CNOT1: variants seen among roughly 807,000 people sequenced by gnomAD.
The protein encoded by CNOT1 is CCR4-associated factor 1.
CNOT1 carries 15 observed loss-of-function variants against 273.8 expected under a neutral mutation model. The ratio of observed to expected loss-of-function variants is 0.05; its 90% CI spans 0.04 to 0.08. The LOEUF is 0.08. Ranked by LOEUF, CNOT1 falls within the 10% of genes least tolerant of loss-of-function variation. The pLI, the probability that CNOT1 is intolerant of heterozygous loss-of-function variation, is 1.00. For synonymous variants in CNOT1, 1,022 were observed against 1,005.5 expected (o/e 1.02, Z -0.31); for missense variants, 1,644 against 2,912.2 (o/e 0.56, Z 10.02).
intron 16 of CNOT1, among the ~76,000 whole-genome samples, chr16:58,569,423 C>A (rs1456291425): frequency 4.6e-5 from 7 of 151,890 alleles, no homozygotes; most frequent in Admixed American, 1.3e-4. Context: ...TGACACCCAG[C>A]CACTACAGAA....
At position 58,528,656 on chromosome 16, in the gene CNOT1, T is replaced by TA. The variant is rs1478556352; in HGVS notation, c.6280-9dup. On this transcript the variant is annotated splice_polypyrimidine_tract_variant and intron_variant, in intron 43 of 48. Transcript: ENST00000317147. ...CAGCACTCTTAAAGTGCCCTATTTTTAAAAAACAAGAAAAATATTTCCACA... is the reference window on the plus strand; with the variant it reads ...CAGCACTCTTAAAGTGCCCTATTTTTAAAAAAACAAGAAAAATATTTCCACA... The TA allele has an allele frequency of 2.5e-6, 4 of 1,585,118 alleles. No individual in the cohort carries two copies. In the African/African-American group the frequency reaches 4.1e-5, roughly 16 times the overall value.
At position 58,520,290 on chromosome 16, in the gene CNOT1, A is replaced by C. The variant is rs1351853673; in HGVS notation, c.*668T>G. 6.6e-6 allele frequency: 1 copy of C among 152,180 alleles called. No individual in the cohort carries two copies. The highest frequency in any genetic ancestry group is 1.5e-5 in the Non-Finnish European group (1 of 68,112). The allele number at this position is 152,180 out of a possible 1,614,324, so 9.4% of individuals were successfully genotyped here. A position where few individuals can be genotyped will look rare whatever the true frequency, so the allele number is the denominator to read the frequency against. ...GCCTGGTCTGGTTTCCCTTTATATA[A>C]AGAGCTGACCCCCATCTCAGGCGGC... On this transcript the variant is annotated 3_prime_UTR_variant, in exon 49 of 49. Coordinates refer to ENST00000317147, the MANE Select transcript of CNOT1 (RefSeq NM_016284.5).
Position 58,547,827 on chromosome 16 carries a change from C to G in CNOT1, c.3523-145G>C. ...CCCAAAGTAGAATTACTCTGTATAT[C>G]ATTCTCAATATCATTTTGCTGTGTT... On this transcript the variant is annotated intron_variant, in intron 25 of 48. Transcript: ENST00000317147. This position sits in a 1 kb window ranked among gnomAD's most constrained non-coding sequence, Gnocchi z 4.0. 1 of 683,378 alleles carries G rather than the reference C, an allele frequency of 1.5e-6. No homozygotes were observed. Among genetic ancestry groups the G allele is most frequent in the South Asian group, 2.5e-5 (1 of 40,778 alleles). The allele number at this position is 683,378 out of a possible 1,614,324, so 42.3% of individuals were successfully genotyped here. A position where few individuals can be genotyped will look rare whatever the true frequency, so the allele number is the denominator to read the frequency against.
Position 58,583,147 on chromosome 16 carries a change from C to G in CNOT1, c.842G>C (p.Gly281Ala). ...CTGGGCAGCTGTGACCTCCCGAACA[C>G]CAAACTGCACGATTATATTGCGACA... ...EECRNIIVQF[G>A]VREVTAAQVA... Residue 281 changes from glycine to alanine, a missense_variant, in exon 9 of 49, where the codon GGT (glycine) becomes GCT (alanine). Transcript: ENST00000317147. 6.2e-7 allele frequency: 1 copy of G among 1,613,990 alleles called. No homozygotes were observed. The highest frequency in any genetic ancestry group is 8.5e-7 in the Non-Finnish European group (1 of 1,180,020).
In CNOT1 at chr16:58,555,862, T is replaced by C; in HGVS notation, c.2526A>G (p.Lys842=). ...VWPEANQHFS[K]EIDDEANSYF... is the part of the protein sequence containing the mutation. ...AGCTGTTTGCTTCATCATCTATCTCTTTACTAAAGTGCTGGTTTGCCTCTG... is the reference window on the plus strand; with the variant it reads ...AGCTGTTTGCTTCATCATCTATCTCCTTACTAAAGTGCTGGTTTGCCTCTG... Residue 842 remains lysine, a synonymous_variant, in exon 20 of 49, where the codon AAA becomes AAG. Coordinates refer to ENST00000317147, the MANE Select transcript of CNOT1 (RefSeq NM_016284.5). 1.9e-6 allele frequency: 3 copies of C among 1,613,830 alleles called. No individual in the cohort carries two copies. Among genetic ancestry groups the C allele is most frequent in the Non-Finnish European group, 2.5e-6 (3 of 1,180,022 alleles).
chr16:58,618,838 C>A (rs917134707), intron 1 of CNOT1, among the ~76,000 whole-genome samples: 2 of 152,058 alleles, frequency 1.3e-5, no homozygotes, highest in Admixed American at 1.3e-4. Flanking sequence ...TGCTACAGTG[C>A]CTTCAATAAC....
At chr16:58,530,473 A>G (rs2039743078) in intron 42 of CNOT1, 126 bp from the exon 43 acceptor site, 2 of 593,676 alleles carry the variant, frequency 3.4e-6, no homozygotes, top group Non-Finnish European at 5.5e-6. Context: ...ACTAATGTTA[A>G]GTACTTTTAC....
At position 58,591,488 on chromosome 16, in the gene CNOT1, T is replaced by A. The variant is rs1435634483; in HGVS notation, c.103-2582A>T. ...TTAACTATGCGCCGGACTCGGAGGC[T>A]CATGCCTGTAATCCCAGCAGTTTGT... On this transcript the variant is annotated intron_variant, in intron 2 of 48. Transcript: ENST00000317147. 2.0e-5 allele frequency among the ~76,000 whole-genome samples: 3 copies of A among 152,344 alleles called. No homozygotes were observed. In the East Asian group the frequency reaches 5.8e-4, roughly 29 times the overall value.
At chr16:58,546,246 A>G in intron 29 of CNOT1, 75 bp downstream of exon 29, 2 of 1,273,160 alleles carry the variant, frequency 1.6e-6, no homozygotes, top group Non-Finnish European at 2.2e-6. Flanking sequence ...ATAGTTTGCG[A>G]TATACATGGA....
intron 19 of CNOT1, among the ~76,000 whole-genome samples, chr16:58,556,368 C>T (rs574500047): frequency 8.5e-5 from 13 of 152,320 alleles, no homozygotes; most frequent in African/African-American, 2.9e-4. Flanking sequence ...TACTTTCAAC[C>T]TCGTGTCATG....
chr16:58,607,454 C>T (rs1380239466), intron 1 of CNOT1, among the ~76,000 whole-genome samples: 1 of 151,940 alleles, frequency 6.6e-6, no homozygotes, highest in Non-Finnish European at 1.5e-5. Flanking sequence ...CTAGGCTGGG[C>T]AAGGTGGCCA....
intron 2 of CNOT1, 118 bp downstream of exon 2, chr16:58,599,118 G>T (rs2042375855): frequency 3.5e-6 from 4 of 1,137,014 alleles, no homozygotes; most frequent in Non-Finnish European, 5.0e-6. Context: ...GAAATCACTT[G>T]AATTAAGGGG....
chr16:58,524,721 C>G (rs1339911815), intron 46 of CNOT1, among the ~76,000 whole-genome samples: 4 of 151,984 alleles, frequency 2.6e-5, no homozygotes, highest in African/African-American at 9.7e-5. Context: ...GTAGCTCAAG[C>G]AGAAAAGCTG....
rs768019259 is a variant in CNOT1, at chr16:58,538,826, G to C, written c.5081C>G (p.Ala1694Gly). Reference protein sequence around the residue: ...YRECHLLVLKALQDGRAYGSP... With the variant: ...YRECHLLVLKGLQDGRAYGSP... ...CCCATATGCCCGGCCATCCTGCAGA[G>C]CTTTTAGGACCAAGAGGTGGCATTC... Residue 1694 changes from alanine to glycine, a missense_variant, in exon 36 of 49, where the codon GCT (alanine) becomes GGT (glycine). By Grantham distance (60) the Ala-to-Gly change is moderately conservative (BLOSUM62 0). Coordinates refer to ENST00000317147, the MANE Select transcript of CNOT1 (RefSeq NM_016284.5). The C allele has an allele frequency of 1.9e-6, 3 of 1,612,388 alleles. No individual in the cohort carries two copies. Among genetic ancestry groups the C allele is most frequent in the Non-Finnish European group, 2.5e-6 (3 of 1,179,814 alleles).
chr16:58,557,916 G>A (rs1452080699), intron 18 of CNOT1, among the ~76,000 whole-genome samples: 1 of 152,152 alleles, frequency 6.6e-6, no homozygotes, highest in Admixed American at 6.5e-5. Flanking sequence ...CTTGAACCTG[G>A]GAGGCGGAGG....
rs763980880 is a variant in CNOT1 at position 58,542,492 on chromosome 16, C to G, written c.4511G>C (p.Cys1504Ser). 11 of 1,604,352 alleles carry G rather than the reference C, an allele frequency of 6.9e-6. No individual in the cohort carries two copies. The highest frequency in any genetic ancestry group is 9.4e-6 in the Non-Finnish European group (11 of 1,176,084). Residue 1504 changes from cysteine (C) to serine (S), a missense_variant, in exon 32 of 49, where the codon TGC becomes TCC. By Grantham distance (112) the Cys-to-Ser change is moderately radical. Around this residue, in one of 13 missense-constraint regions of CNOT1, gnomAD observed 133 missense variants for 230.4 expected, o/e 0.58. Transcript: ENST00000317147. ...TACTGCAGTCTTCTGAATAAAACAG[C>G]AAGCCAACTCACAATTGTCCTGAGC... ...QLAQDNCELA[C>S]CFIQKTAVEK... is the part of the protein sequence containing the mutation.
intron 2 of CNOT1, among the ~76,000 whole-genome samples, chr16:58,591,784 A>G (rs1192455978): frequency 6.6e-6 from 1 of 151,676 alleles, no homozygotes; most frequent in Non-Finnish European, 1.5e-5. Context: ...ACTATGGGAT[A>G]CTCCATTATT....
intron 14 of CNOT1, among the ~76,000 whole-genome samples, chr16:58,575,837 G>A (rs890039106): frequency 5.9e-5 from 9 of 152,012 alleles, no homozygotes; most frequent in African/African-American, 2.2e-4. Context: ...AAAAGATCCT[G>A]TTGATTCTCA....
chr16:58,591,806 T>C (rs1414465343), intron 2 of CNOT1, among the ~76,000 whole-genome samples: 3 of 151,960 alleles, frequency 2.0e-5, no homozygotes, highest in African/African-American at 4.8e-5. Context: ...GTGTGGCACA[T>C]AGGTTTGATA....
Sources: allele counts gnomAD v4.1 joint callset (sites outside exome capture counted in the v4.1 genomes callset), GRCh38; gene constraint gnomAD v4.1.1; regional missense constraint gnomAD v4.1.1; non-coding constraint Gnocchi (gnomAD v3.1); transcripts MANE v1.5; gene names NCBI Gene and HGNC (gene_info 2026-07-23, HGNC 2026-07-21).